The following HAUS8 variants were observed in gnomAD, a reference collection of about 807,000 sequenced individuals.
The protein encoded by HAUS8 is HAUS augmin-like complex subunit 8.
HAUS8 carries 38 observed loss-of-function variants against 42.9 expected under a neutral mutation model. The ratio of observed to expected loss-of-function variants is 0.89; its 90% CI spans 0.68 to 1.16. The LOEUF (loss-of-function observed/expected upper bound fraction) is 1.16. Ranked by LOEUF, HAUS8 falls within the 50% of genes most tolerant of loss-of-function variation. The pLI is 0.00. For missense variants in HAUS8, 494 were observed against 511.6 expected, an observed-to-expected ratio of 0.97 and a Z score of 0.33; for synonymous variants, 199 against 205.8, an observed-to-expected ratio of 0.97 and a Z score of 0.28.
chr19:17,057,601 G>T (rs936640712), intron 8 of HAUS8, among the ~76,000 whole-genome samples: 1 of 152,082 alleles, frequency 6.6e-6, no homozygotes, highest in Non-Finnish European at 1.5e-5. Context: ...GGGTCAACTG[G>T]GTTTGTCTCT....
intron 2 of HAUS8, among the ~76,000 whole-genome samples, chr19:17,070,245 C>T (rs1292966285): frequency 2.0e-5 from 3 of 152,050 alleles, no homozygotes; most frequent in African/African-American, 4.8e-5. Flanking sequence ...ACAAGACCAC[C>T]GTGACCTCCC....
chr19:17,054,125 G>C (rs1480348415), intron 9 of HAUS8, among the ~76,000 whole-genome samples: 1 of 152,064 alleles, frequency 6.6e-6, no homozygotes, highest in Non-Finnish European at 1.5e-5. Context: ...GCCCCTGGAG[G>C]GAGCCAATCC....
In HAUS8 at chr19:17,068,959, C is replaced by G. The variant is rs2057404381; in HGVS notation, c.147+72G>C. On this transcript the variant is annotated intron_variant, in intron 3 of 10. Transcript: ENST00000253669. ...ACCAGGTTGTGACCACCTCCCATGA[C>G]TAGTTTCGGAATTCCAGTTGCTCAG... The G allele has an allele frequency of 2.2e-6, 3 of 1,381,820 alleles. No individual in the cohort carries two copies. The Admixed American group carries it at 5.5e-5, about 25-fold the overall frequency. 85.6% of individuals were successfully genotyped at this position (1,381,820 alleles called of 1,614,324 possible).
intron 3 of HAUS8, among the ~76,000 whole-genome samples, chr19:17,065,732 C>T (rs1446358495): frequency 6.6e-6 from 1 of 150,990 alleles, no homozygotes; most frequent in Non-Finnish European, 1.5e-5. Flanking sequence ...GAGGCTGAGG[C>T]AGAATAGCTT....
Position 17,070,807 on chromosome 19 carries a change from C to A in HAUS8, c.92-1721G>T, listed in dbSNP as rs185627625. 9.1e-3 allele frequency among the ~76,000 whole-genome samples: 1,386 copies of A among 152,302 alleles called. 14 individuals carry two copies. The highest frequency in any genetic ancestry group is 0.027 in the Middle Eastern group (8 of 294). On this transcript the variant is annotated intron_variant, in intron 2 of 10. Coordinates refer to ENST00000253669, the MANE Select transcript of HAUS8 (RefSeq NM_033417.2). ...ATTCTAGGCCAGGCGTAGTGGCTCACGCCTGTAATCCCAGCACTTTGGGAG... is the reference window on the plus strand; with the variant it reads ...ATTCTAGGCCAGGCGTAGTGGCTCAAGCCTGTAATCCCAGCACTTTGGGAG...
Position 17,059,323 on chromosome 19 carries a change from C to T in HAUS8, c.420+234G>A, listed in dbSNP as rs118022577. Among the ~76,000 whole-genome samples, 35 of 152,308 alleles carry T rather than the reference C, an allele frequency of 2.3e-4. No individual in the cohort carries two copies. In the East Asian group the frequency reaches 6.7e-3, roughly 29 times the overall value. The stretch of plus-strand genomic sequence containing the variant: ...GCACAGCATGGGCACAGAGAAGTCC[C>T]CTGTCTCATTTTTTACATGGCTCCA... On this transcript the variant is annotated intron_variant, in intron 6 of 10. Transcript: ENST00000253669.
At chr19:17,063,989 C>T (rs918806571) in intron 3 of HAUS8, among the ~76,000 whole-genome samples, 1 of 152,158 alleles carries the variant, frequency 6.6e-6, no homozygotes, top group Non-Finnish European at 1.5e-5. Flanking sequence ...TATTCATATC[C>T]TTTTATAAGC....
chr19:17,075,309 A>C, intron 1 of HAUS8, 85 bp downstream of exon 1: 1 of 1,474,408 alleles, frequency 6.8e-7, no homozygotes, highest in Non-Finnish European at 9.5e-7. Flanking sequence ...ACTCACCCCG[A>C]GGGTCCTAAC....
At chr19:17,060,501 C>G (rs1337955281) in intron 4 of HAUS8, among the ~76,000 whole-genome samples, 1 of 152,160 alleles carries the variant, frequency 6.6e-6, no homozygotes, top group Non-Finnish European at 1.5e-5. Context: ...CTCCACCTCC[C>G]GGGTTCAAGT....
At chr19:17,063,688 G>A (rs1282791386) in intron 3 of HAUS8, among the ~76,000 whole-genome samples, 5 of 152,150 alleles carry the variant, frequency 3.3e-5, no homozygotes, top group African/African-American at 4.8e-5. Context: ...GTGTGTATGG[G>A]CACCATCCAA....
intron 3 of HAUS8, among the ~76,000 whole-genome samples, chr19:17,068,736 C>T (rs1045605115): frequency 2.0e-5 from 3 of 152,046 alleles, no homozygotes. Context: ...TGCACTCCAG[C>T]CTGGGCAACA....
At chr19:17,069,225 C>T (rs910206300) in intron 2 of HAUS8, 139 bp from the exon 3 acceptor site, 68 of 725,400 alleles carry the variant, frequency 9.4e-5, no homozygotes, top group Non-Finnish European at 1.6e-4. Context: ...CACCACTCCT[C>T]CTGCTCGCCT....
intron 2 of HAUS8, among the ~76,000 whole-genome samples, chr19:17,071,080 A>AAC (rs1251135623): frequency 2.0e-5 from 3 of 151,668 alleles, no homozygotes; most frequent in Non-Finnish European, 2.9e-5. Context: ...TAAAAAAAAA[A>AAC]AAACGGTTCT....
In HAUS8 at chr19:17,075,417, C is replaced by T. The variant is rs1397080289; in HGVS notation, c.6G>A (p.Ala2=). Residue 2 remains alanine, a synonymous_variant, in exon 1 of 11, where the codon GCG becomes GCA. Coordinates refer to ENST00000253669, the MANE Select transcript of HAUS8 (RefSeq NM_033417.2). ...ACCCAGCGCCTCGCCCCGAGGAATC[C>T]GCCATTTTCCCGCCTTCCACCTCAA... M[A]DSSGRGAGKP... The T allele has an allele frequency of 6.2e-7, 1 of 1,613,884 alleles. No individual in the cohort carries two copies. Among genetic ancestry groups the T allele is most frequent in the South Asian group, 1.1e-5 (1 of 91,088 alleles).
intron 9 of HAUS8, 55 bp downstream of exon 9, chr19:17,055,806 A>C: frequency 7.8e-6 from 12 of 1,546,498 alleles, no homozygotes; most frequent in Non-Finnish European, 1.0e-5. Context: ...GGAAGCACCC[A>C]CACACGCTCC....
chr19:17,065,721 A>G (rs1305091456), intron 3 of HAUS8, among the ~76,000 whole-genome samples: 2 of 151,878 alleles, frequency 1.3e-5, no homozygotes, highest in Non-Finnish European at 2.9e-5. Context: ...CAGCTACTCC[A>G]GAGGCTGAGG....
At chr19:17,064,128 AAT>A (rs1380013928) in intron 3 of HAUS8, among the ~76,000 whole-genome samples, 1 of 152,222 alleles carries the variant, frequency 6.6e-6, no homozygotes, top group African/African-American at 2.4e-5. Context: ...TTGAAATTAA[AAT>A]AGAGTACCAT....
intron 8 of HAUS8, among the ~76,000 whole-genome samples, chr19:17,057,350 CAA>C (rs34546503): frequency 1.2e-4 from 18 of 146,878 alleles, no homozygotes; most frequent in South Asian, 2.1e-4. Flanking sequence ...ACGCCCATCT[CAA>C]AAAAAAAAAA....
chr19:17,073,582 G>A, intron 1 of HAUS8: 1 of 546,116 alleles, frequency 1.8e-6, no homozygotes, highest in South Asian at 2.0e-5. Context: ...AGAGCTCTGT[G>A]GAAGAGATCA....
Sources: allele counts gnomAD v4.1 joint callset (sites outside exome capture counted in the v4.1 genomes callset), GRCh38; gene constraint gnomAD v4.1.1; transcripts MANE v1.5; gene names NCBI Gene and HGNC (gene_info 2026-07-23, HGNC 2026-07-21).